The following KLHDC1 variants were observed in gnomAD, a reference collection of about 807,000 sequenced individuals.
The protein encoded by KLHDC1 is kelch domain-containing protein 1.
In KLHDC1, 53 loss-of-function variants were observed where a neutral mutation model predicts 68.3. That is an observed-to-expected ratio of 0.78 (90% CI 0.62 to 0.98). The LOEUF (loss-of-function observed/expected upper bound fraction) is 0.98. Among genes scored for constraint, KLHDC1 ranks in the 50% least tolerant of loss-of-function variants. The probability of loss-of-function intolerance (pLI) is 0.00; values close to 1 mark genes in which losing one functional copy is unlikely to be tolerated. For synonymous variants in KLHDC1, 148 were observed against 159.0 expected (o/e 0.93, Z 0.52); for missense variants, 470 against 492.3 (o/e 0.95, Z 0.43).
At chr14:49,731,594 C>T (rs561104489) in intron 8 of KLHDC1, among the ~76,000 whole-genome samples, 16 of 152,170 alleles carry the variant, frequency 1.1e-4, no homozygotes, top group African/African-American at 3.6e-4. Flanking sequence ...CTCAACCTCC[C>T]TAGTAGCTGG....
intron 7 of KLHDC1, 152 bp from the exon 8 acceptor site, chr14:49,729,338 T>C (rs1258913874): frequency 1.5e-6 from 1 of 645,690 alleles, no homozygotes; most frequent in East Asian, 2.7e-5. Flanking sequence ...GTGTCAGTCT[T>C]ATTAATGCTT....
At chr14:49,727,010 C>T (rs959339992) in intron 6 of KLHDC1, among the ~76,000 whole-genome samples, 4 of 152,060 alleles carry the variant, frequency 2.6e-5, no homozygotes, top group African/African-American at 2.4e-5. Context: ...TTTGGGAGGC[C>T]GAGGCAGGCA....
intron 1 of KLHDC1, among the ~76,000 whole-genome samples, chr14:49,704,547 C>T (rs1594650740): frequency 6.6e-6 from 1 of 151,818 alleles, no homozygotes; most frequent in African/African-American, 2.4e-5. Flanking sequence ...GCACCCGCCA[C>T]CATGCCCAGC....
rs140052119 is a variant in KLHDC1, at chr14:49,753,064, C to T, written c.*1292C>T. 2.2e-4 allele frequency: 34 copies of T among 151,686 alleles called. No individual in the cohort carries two copies. The East Asian group carries it at 4.4e-3, about 20-fold the overall frequency. The allele number at this position is 151,686 out of a possible 1,614,324, so 9.4% of individuals were successfully genotyped here. On this transcript the variant is annotated 3_prime_UTR_variant, in exon 13 of 13. Transcript: ENST00000359332. ...TTCTATGTATTGAAATATTTTTTTA[C>T]GTTTTATTTATTGTACAAAGTGTAT... is the stretch of plus-strand genomic sequence containing the variant.
chr14:49,726,908 C>T (rs1475299387), intron 6 of KLHDC1, among the ~76,000 whole-genome samples: 1 of 152,218 alleles, frequency 6.6e-6, no homozygotes, highest in Non-Finnish European at 1.5e-5. Context: ...CCTGGTTACA[C>T]ACACAGTTAT....
At chr14:49,750,169 C>G (rs1889291116) in intron 12 of KLHDC1, among the ~76,000 whole-genome samples, 1 of 152,182 alleles carries the variant, frequency 6.6e-6, no homozygotes, top group Non-Finnish European at 1.5e-5. Flanking sequence ...CAGAGACAAA[C>G]AGCAGATTCC....
chr14:49,724,951 G>C (rs962574722), intron 5 of KLHDC1, among the ~76,000 whole-genome samples: 9 of 151,610 alleles, frequency 5.9e-5, no homozygotes, highest in Admixed American at 4.6e-4. Context: ...AGACCAGCCT[G>C]GGTAACATGG....
At chr14:49,719,814 A>C (rs1381662890) in intron 4 of KLHDC1, among the ~76,000 whole-genome samples, 1 of 145,080 alleles carries the variant, frequency 6.9e-6, no homozygotes, top group Non-Finnish European at 1.5e-5. Context: ...TCTTTCCTTT[A>C]TTTATTATTA....
At chr14:49,736,490 G>A (rs1329943611) in intron 10 of KLHDC1, among the ~76,000 whole-genome samples, 2 of 152,208 alleles carry the variant, frequency 1.3e-5, no homozygotes, top group Admixed American at 1.3e-4. Context: ...CTACAGGTAT[G>A]AGGTGAGGAG....
chr14:49,702,841 C>T (rs1007301519), intron 1 of KLHDC1, among the ~76,000 whole-genome samples: 3 of 152,162 alleles, frequency 2.0e-5, no homozygotes, highest in Admixed American at 1.3e-4. Context: ...TAAAAAACCA[C>T]GACCTCTAGA....
intron 1 of KLHDC1, 39 bp from the exon 2 acceptor site, chr14:49,709,120 T>G: frequency 1.1e-6 from 1 of 870,962 alleles, no homozygotes. Flanking sequence ...GTTTGCTGTG[T>G]AACTGATAAA....
chr14:49,746,923 T>C (rs1889211716), intron 12 of KLHDC1, among the ~76,000 whole-genome samples: 1 of 151,370 alleles, frequency 6.6e-6, no homozygotes, highest in Non-Finnish European at 1.5e-5. Flanking sequence ...ATAAGACCCT[T>C]CCACCCTTCC....
intron 6 of KLHDC1, among the ~76,000 whole-genome samples, chr14:49,727,928 A>G (rs937382115): frequency 2.0e-5 from 3 of 152,202 alleles, no homozygotes; most frequent in Non-Finnish European, 4.4e-5. Flanking sequence ...AAATACATAC[A>G]TAAAGGCACC....
intron 8 of KLHDC1, among the ~76,000 whole-genome samples, chr14:49,731,007 C>T (rs1038466138): frequency 1.3e-5 from 2 of 151,856 alleles, no homozygotes; most frequent in African/African-American, 4.8e-5. Flanking sequence ...CAGGCAGGTG[C>T]AGTGGTACAC....
intron 12 of KLHDC1, among the ~76,000 whole-genome samples, chr14:49,751,292 T>TA (rs1194408954): frequency 6.6e-6 from 1 of 152,142 alleles, no homozygotes; most frequent in Non-Finnish European, 1.5e-5. Context: ...GTAAAATTTT[T>TA]ATGATGATTT....
chr14:49,729,638 G>T (rs1888755125), intron 8 of KLHDC1, 90 bp downstream of exon 8: 1 of 817,054 alleles, frequency 1.2e-6, no homozygotes, highest in South Asian at 1.6e-5. Context: ...TTTAAAACTG[G>T]ACTGGTATTT....
chr14:49,708,929 G>C (rs1888128591), intron 1 of KLHDC1: 1 of 275,140 alleles, frequency 3.6e-6, no homozygotes, highest in Admixed American at 5.5e-5. Flanking sequence ...ATTTTCTTGA[G>C]ACTTATATAC....
intron 3 of KLHDC1, 48 bp downstream of exon 3, chr14:49,709,874 G>T: frequency 2.3e-6 from 2 of 876,488 alleles, no homozygotes; most frequent in African/African-American, 1.8e-5. Flanking sequence ...AATATTTAAT[G>T]CATCATTTCA....
At chr14:49,693,575 A>C (rs959354062) in intron 1 of KLHDC1, among the ~76,000 whole-genome samples, 7 of 151,876 alleles carry the variant, frequency 4.6e-5, no homozygotes, top group Non-Finnish European at 1.0e-4. Context: ...TGCCCAATGC[A>C]AAGGCAGTTA....
Sources: allele counts gnomAD v4.1 joint callset (sites outside exome capture counted in the v4.1 genomes callset), GRCh38; gene constraint gnomAD v4.1.1; transcripts MANE v1.5; gene names NCBI Gene and HGNC (gene_info 2026-07-23, HGNC 2026-07-21).